The following POLR3B variants were observed in gnomAD, a reference collection of about 807,000 sequenced individuals.
POLR3B encodes RNA polymerase III subunit B.
POLR3B carries 96 observed loss-of-function variants against 147.4 expected under a neutral mutation model. That is an observed-to-expected ratio of 0.65 (90% CI 0.55 to 0.77). The LOEUF (loss-of-function observed/expected upper bound fraction) is 0.77, where lower values mean the gene tolerates loss of function less well. Among genes scored for constraint, POLR3B ranks in the 30% least tolerant of loss-of-function variants. The pLI, the probability that POLR3B is intolerant of heterozygous loss-of-function variation, is 0.00. For synonymous variants in POLR3B, 461 were observed against 485.9 expected (o/e 0.95, Z 0.67); for missense variants, 1,036 against 1,413.5 (o/e 0.73, Z 4.28).
At chr12:106,369,178 A>T in intron 4 of POLR3B, 97 bp from the exon 5 acceptor site, 1 of 784,254 alleles carries the variant, frequency 1.3e-6, no homozygotes, top group East Asian at 2.4e-5. Context: ...ATAAGCATTT[A>T]TCAAAACATA....
chr12:106,475,349 TG>T lies in POLR3B; in HGVS notation c.2713+11733del, dbSNP rs891410589. The stretch of plus-strand genomic sequence containing the variant: ...GAAAAAAATGTATATTCTGTTGATT[TG>T]GGGTGGAGAGTTTTGTAGATGTCTA... On this transcript the variant is annotated intron_variant, in intron 23 of 27. Transcript: ENST00000228347. Among the ~76,000 whole-genome samples the T allele has an allele frequency of 4.2e-5, 4 of 96,196 alleles. 2 individuals are homozygous for T. Among genetic ancestry groups the T allele is most frequent in the African/African-American group, 2.1e-4 (4 of 18,982 alleles). 63.1% of individuals were successfully genotyped at this position (96,196 alleles called of 152,430 possible). A position where few individuals can be genotyped will look rare whatever the true frequency, so the allele number is the denominator to read the frequency against.
At chr12:106,496,181 A>C (rs1263052259) in intron 24 of POLR3B, 23 bp downstream of exon 24, 1 of 1,362,214 alleles carries the variant, frequency 7.3e-7, no homozygotes, top group Non-Finnish European at 1.1e-6. Context: ...TAGGTTTTTC[A>C]GAGGCATTGC....
intron 19 of POLR3B, among the ~76,000 whole-genome samples, chr12:106,452,727 T>C (rs2037812988): frequency 6.6e-6 from 1 of 152,210 alleles, no homozygotes; most frequent in African/African-American, 2.4e-5. Context: ...CCCAGTTTAT[T>C]AGTTGGCACT....
At chr12:106,433,922 G>C in intron 16 of POLR3B, 50 bp downstream of exon 16, 1 of 1,452,020 alleles carries the variant, frequency 6.9e-7, no homozygotes, top group South Asian at 1.2e-5. Context: ...CTTTATATTT[G>C]CTCTTGAAAG....
chr12:106,376,478 A>G (rs1308881971), intron 7 of POLR3B, 28 bp downstream of exon 7: 9 of 1,466,874 alleles, frequency 6.1e-6, no homozygotes, highest in Non-Finnish European at 6.7e-6. Flanking sequence ...GATTTGTCCC[A>G]CTTTCCTTAT....
chr12:106,504,467 T>C lies in POLR3B; in HGVS notation c.3272+213T>C, dbSNP rs1443244773. On this transcript the variant is annotated intron_variant, in intron 27 of 27. Coordinates refer to ENST00000228347, the MANE Select transcript of POLR3B (RefSeq NM_018082.6). The surrounding 1 kb of genome is among the most constrained non-coding windows in gnomAD (Gnocchi z 4.6). ...ATCTACTTCCTACACAACTAGAGGCTAAGCTCCCAAGGAGTACAAACTTTA... is the reference window on the plus strand; with the variant it reads ...ATCTACTTCCTACACAACTAGAGGCCAAGCTCCCAAGGAGTACAAACTTTA... Among the ~76,000 whole-genome samples, 1 of 152,236 alleles carries C rather than the reference T, an allele frequency of 6.6e-6. No homozygotes were observed. The highest frequency in any genetic ancestry group is 1.5e-5 in the Non-Finnish European group (1 of 68,038).
intron 10 of POLR3B, among the ~76,000 whole-genome samples, chr12:106,395,549 C>T (rs1034931601): frequency 3.3e-5 from 5 of 152,134 alleles, no homozygotes; most frequent in Admixed American, 6.5e-5. Context: ...CCACCAGGCC[C>T]CACCTCCAAC....
intron 23 of POLR3B, among the ~76,000 whole-genome samples, chr12:106,494,472 T>TC (rs1417988770): frequency 4.6e-5 from 7 of 152,172 alleles, no homozygotes; most frequent in Admixed American, 4.6e-4. Flanking sequence ...AATTACATTC[T>TC]CCCCCGAGCT....
At chr12:106,411,933 C>G (rs1199937349) in intron 12 of POLR3B, among the ~76,000 whole-genome samples, 1 of 152,156 alleles carries the variant, frequency 6.6e-6, no homozygotes, top group Non-Finnish European at 1.5e-5. Context: ...TTTTTCATAG[C>G]TTCTATTTCT....
chr12:106,471,951 C>T (rs1288682465), intron 23 of POLR3B, among the ~76,000 whole-genome samples: 3 of 148,012 alleles, frequency 2.0e-5, no homozygotes, highest in African/African-American at 7.6e-5. Flanking sequence ...CATGCTGGTG[C>T]GCTGCACCCA....
At chr12:106,367,594 C>T (rs577469904) in intron 4 of POLR3B, among the ~76,000 whole-genome samples, 14 of 152,238 alleles carry the variant, frequency 9.2e-5, no homozygotes, top group South Asian at 8.3e-4. Context: ...GTTTGTATGA[C>T]GTCTGATTGG....
intron 23 of POLR3B, among the ~76,000 whole-genome samples, chr12:106,464,357 C>T (rs984645048): frequency 1.8e-4 from 27 of 152,106 alleles, no homozygotes; most frequent in African/African-American, 5.3e-4. Flanking sequence ...TGCCTGGCTG[C>T]GTTCTCATCA....
intron 23 of POLR3B, among the ~76,000 whole-genome samples, chr12:106,483,170 A>G (rs78096103): frequency 2.2e-4 from 33 of 152,342 alleles, no homozygotes; most frequent in African/African-American, 7.7e-4. Context: ...TCTGTGGAGA[A>G]GGGCTCACAT....
chr12:106,501,007 A>G (rs1228523594), intron 25 of POLR3B, among the ~76,000 whole-genome samples: 2 of 152,190 alleles, frequency 1.3e-5, no homozygotes, highest in Non-Finnish European at 2.9e-5. Flanking sequence ...ATTAATTAGA[A>G]GATTATCTGT....
intron 23 of POLR3B, among the ~76,000 whole-genome samples, chr12:106,469,341 GTC>G (rs1258098808): frequency 6.8e-6 from 1 of 146,112 alleles, no homozygotes; most frequent in African/African-American, 2.6e-5. Flanking sequence ...GCCTATGTGT[GTC>G]TCTGCATGTG....
Position 106,433,832 on chromosome 12 carries a change from C to A in POLR3B, c.1741C>A (p.Arg581=), listed in dbSNP as rs576127663. The stretch of plus-strand genomic sequence containing the variant: ...TTCCATCTCAACAAATCTTACAGAT[C>A]GATGTGTCTATATTTCTTCTGATGG... ...FVSISTNLTD[R]CVYISSDGGR... The change falls in exon 16 of 28, where the codon CGA becomes AGA. Residue 581 remains arginine, a synonymous_variant. Coordinates refer to ENST00000228347, the MANE Select transcript of POLR3B (RefSeq NM_018082.6). The A allele has an allele frequency of 1.2e-6, 2 of 1,613,384 alleles. No individual in the cohort carries two copies. The highest frequency in any genetic ancestry group is 1.7e-6 in the Non-Finnish European group (2 of 1,179,484).
chr12:106,479,826 T>TGTC (rs2038241919), intron 23 of POLR3B, among the ~76,000 whole-genome samples: 1 of 142,370 alleles, frequency 7.0e-6, no homozygotes, highest in Admixed American at 7.4e-5. Flanking sequence ...TTTCTTTTCT[T>TGTC]TTCACAGTAT....
intron 10 of POLR3B, among the ~76,000 whole-genome samples, chr12:106,395,834 G>T (rs1267547048): frequency 7.2e-5 from 11 of 152,122 alleles, no homozygotes; most frequent in Admixed American, 7.2e-4. Context: ...GCCGGGCGTG[G>T]TGGTGGGTGC....
intron 12 of POLR3B, among the ~76,000 whole-genome samples, chr12:106,421,988 C>T (rs1225760592): frequency 5.9e-5 from 9 of 152,214 alleles, no homozygotes; most frequent in Non-Finnish European, 1.0e-4. Flanking sequence ...GCATGAGCCA[C>T]GGTGCCCGGC....
Sources: allele counts gnomAD v4.1 joint callset (sites outside exome capture counted in the v4.1 genomes callset), GRCh38; gene constraint gnomAD v4.1.1; non-coding constraint Gnocchi (gnomAD v3.1); transcripts MANE v1.5; gene names NCBI Gene and HGNC (gene_info 2026-07-23, HGNC 2026-07-21).